Variants in PTPRN2 observed in about 807,000 individuals in gnomAD.
PTPRN2 encodes protein tyrosine phosphatase receptor type N2.
In PTPRN2, 74 loss-of-function variants were observed where a neutral mutation model predicts 118.8. That is an observed-to-expected ratio of 0.62 (90% CI 0.52 to 0.76). The LOEUF is 0.76. Ranked by LOEUF, PTPRN2 falls within the 30% of genes least tolerant of loss-of-function variation. The pLI is 0.00. For missense variants in PTPRN2, 1,481 were observed against 1,394.4 expected (o/e 1.06, Z -0.99); for synonymous variants, 641 against 608.0 (o/e 1.05, Z -0.80).
chr7:157,856,785 G>T (rs1408415189), intron 12 of PTPRN2, among the ~76,000 whole-genome samples: 2 of 152,168 alleles, frequency 1.3e-5, no homozygotes, highest in African/African-American at 2.4e-5. Flanking sequence ...TCGTATGTCT[G>T]TCAGTCAAAG....
At chr7:158,153,485 A>G (rs2150541794) in intron 6 of PTPRN2, among the ~76,000 whole-genome samples, 1 of 152,242 alleles carries the variant, frequency 6.6e-6, no homozygotes, top group South Asian at 2.1e-4. Flanking sequence ...AGACACTGCC[A>G]TGGGGTCTGA....
chr7:158,276,288 AGCAC>A, intron 3 of PTPRN2, among the ~76,000 whole-genome samples: 1 of 69,506 alleles, frequency 1.4e-5, no homozygotes, highest in Non-Finnish European at 3.5e-5. Flanking sequence ...GCTGTAAGGC[AGCAC>A]CCCCACACCC....
intron 11 of PTPRN2, among the ~76,000 whole-genome samples, chr7:158,061,989 T>G (rs1336721613): frequency 6.6e-6 from 1 of 152,250 alleles, no homozygotes; most frequent in Non-Finnish European, 1.5e-5. Context: ...AAGGCGGAGC[T>G]GGGCATGAGC....
Position 157,780,443 on chromosome 7 carries a change from G to A in PTPRN2, c.1789-97506C>T, listed in dbSNP as rs1215762690. 2.0e-5 allele frequency among the ~76,000 whole-genome samples: 3 copies of A among 152,236 alleles called. No homozygotes were observed. Among genetic ancestry groups the A allele is most frequent in the Non-Finnish European group, 4.4e-5 (3 of 68,036 alleles). ...AGGAGGCTTGGCTGGCGGAGGGGCC[G>A]TGCTGCTGGATCAGATGGCGGAACA... On this transcript the variant is annotated intron_variant, in intron 12 of 22. Transcript: ENST00000389418. This position sits in a 1 kb window ranked among gnomAD's most constrained non-coding sequence, Gnocchi z 4.5.
Position 157,595,186 on chromosome 7 carries a change from G to C in PTPRN2, c.2496+52C>G, listed in dbSNP as rs371828068. On this transcript the variant is annotated intron_variant, in intron 17 of 22. Coordinates refer to ENST00000389418, the MANE Select transcript of PTPRN2 (RefSeq NM_002847.5). ...GATTCAAGACATGATTCGTGACCCA[G>C]TTATTGAGATCTTCTTTTCAGAAAG... 1.3e-4 allele frequency: 197 copies of C among 1,543,230 alleles called. No homozygotes were observed. In the African/African-American group the frequency reaches 2.4e-3, roughly 19 times the overall value.
intron 12 of PTPRN2, among the ~76,000 whole-genome samples, chr7:157,789,256 T>C (rs922124147): frequency 6.6e-6 from 1 of 152,186 alleles, no homozygotes; most frequent in Non-Finnish European, 1.5e-5. Flanking sequence ...GGCTGGGCCT[T>C]GTACTCTCCG....
At chr7:157,850,356 C>A (rs1809181840) in intron 12 of PTPRN2, among the ~76,000 whole-genome samples, 1 of 149,738 alleles carries the variant, frequency 6.7e-6, no homozygotes, top group East Asian at 2.0e-4. Flanking sequence ...GTAAGGGATC[C>A]CAGGTCTCCG....
At chr7:158,053,788 C>A (rs777992773) in intron 11 of PTPRN2, among the ~76,000 whole-genome samples, 16 of 150,136 alleles carry the variant, frequency 1.1e-4, no homozygotes, top group Non-Finnish European at 1.9e-4. Flanking sequence ...TGCAGAGACT[C>A]CAGAGACGCA....
rs550172918 is a variant in PTPRN2, at chr7:157,826,170, G to A, written c.1788+72503C>T. Reference sequence around the variant, plus strand: ...GATGACCACAATCATCACAACGAGCGCCATTTCCACGCGTGCTGTGCAAAG... The same window carrying A: ...GATGACCACAATCATCACAACGAGCACCATTTCCACGCGTGCTGTGCAAAG... On this transcript the variant is annotated intron_variant, in intron 12 of 22. Transcript: ENST00000389418. Among the ~76,000 whole-genome samples the A allele has an allele frequency of 2.5e-3, 370 of 149,702 alleles. 5 individuals carry two copies. The highest frequency in any genetic ancestry group is 5.2e-4 in the Non-Finnish European group (35 of 67,506).
chr7:157,600,652 G>A (rs1017665942), intron 16 of PTPRN2, among the ~76,000 whole-genome samples: 3 of 152,172 alleles, frequency 2.0e-5, no homozygotes, highest in East Asian at 1.9e-4. Context: ...CAAGTGATTC[G>A]CCTGCCTTGG....
intron 12 of PTPRN2, chr7:157,740,579 T>C (rs1449249459): frequency 1.3e-5 from 2 of 152,156 alleles, no homozygotes; most frequent in Non-Finnish European, 2.9e-5. Context: ...TGGGGGTGGG[T>C]AGTGCCCAGG....
At chr7:157,772,503 C>T (rs1180191831) in intron 12 of PTPRN2, among the ~76,000 whole-genome samples, 1 of 152,206 alleles carries the variant, frequency 6.6e-6, no homozygotes, top group Non-Finnish European at 1.5e-5. Context: ...TGCCCAGAGA[C>T]CTGGGGCAGG....
chr7:157,571,475 G>A lies in PTPRN2; in HGVS notation c.2802C>T (p.Tyr934=), dbSNP rs1354123384. 6.2e-7 allele frequency: 1 copy of A among 1,609,550 alleles called. No homozygotes were observed. Residue 934 remains tyrosine, a synonymous_variant, in exon 20 of 23, where the codon TAC becomes TAT. Transcript: ENST00000389418. ...LDFRRKVNKC[Y]RGRSCPIIVH... ...CAATTATTGGACAAGAACGGCCCCT[G>A]TAGCACTTGTTTACTTTTCTGAAAT...
intron 12 of PTPRN2, among the ~76,000 whole-genome samples, chr7:157,746,707 C>T (rs191183981): frequency 3.3e-5 from 5 of 152,404 alleles, no homozygotes; most frequent in Non-Finnish European, 7.3e-5. Context: ...GCCCTGCACC[C>T]ACAGTCCTCA....
Position 157,764,384 on chromosome 7 carries a change from A to G in PTPRN2, c.1789-81447T>C, listed in dbSNP as rs1227021003. On this transcript the variant is annotated intron_variant, in intron 12 of 22. Transcript: ENST00000389418. The surrounding 1 kb of genome is among the most constrained non-coding windows in gnomAD (Gnocchi z 4.5). ...TCATGTGGTCCACCCACACATGGGA[A>G]TATTACTCAGCACTGAAAAGGCAGA... 6.6e-6 allele frequency among the ~76,000 whole-genome samples: 1 copy of G among 152,242 alleles called. No individual in the cohort carries two copies. Among genetic ancestry groups the G allele is most frequent in the African/African-American group, 2.4e-5 (1 of 41,462 alleles).
chr7:158,324,920 G>A (rs1019645419), intron 2 of PTPRN2, among the ~76,000 whole-genome samples: 10 of 152,134 alleles, frequency 6.6e-5, no homozygotes, highest in Admixed American at 3.3e-4. Flanking sequence ...CGAGTGACAC[G>A]TCCAGGCCTG....
rs773708901 is a variant in PTPRN2 at position 158,167,199 on chromosome 7, C to A, written c.642G>T (p.Glu214Asp). 6.2e-7 allele frequency: 1 copy of A among 1,613,608 alleles called. No individual in the cohort carries two copies. The change falls in exon 6 of 23, where the codon GAG (glutamate) becomes GAT (aspartate). Residue 214 changes from glutamate (E) to aspartate (D), a missense_variant. This residue lies in a region of PTPRN2 where 1,115 missense variants were observed against 994.2 expected (regional missense o/e 1.12). Coordinates refer to ENST00000389418, the MANE Select transcript of PTPRN2 (RefSeq NM_002847.5). ...YPPGSRTQLREDLLPRTLGQL... is the reference protein window; with the variant it reads ...YPPGSRTQLRDDLLPRTLGQL... The stretch of plus-strand genomic sequence containing the variant: ...GGCCGAGGGTCCGCGGCAGGAGGTC[C>A]TCGCGGAGCTGGGTCCGGGACCCGG...
chr7:157,892,836 T>C (rs1464458392), intron 12 of PTPRN2, among the ~76,000 whole-genome samples: 1 of 152,146 alleles, frequency 6.6e-6, no homozygotes, highest in East Asian at 1.9e-4. Context: ...GACAAACCCT[T>C]CCATCACAGA....
chr7:158,411,301 G>C (rs993873263), intron 2 of PTPRN2, among the ~76,000 whole-genome samples: 1 of 152,130 alleles, frequency 6.6e-6, no homozygotes, highest in South Asian at 2.1e-4. Flanking sequence ...ACAGCTTTCC[G>C]GCCACCTTGA....
Sources: gnomAD v4.1 joint callset for allele counts (sites outside exome capture counted in the v4.1 genomes callset) on GRCh38, gnomAD v4.1.1 for gene constraint, gnomAD v4.1.1 regional missense constraint, Gnocchi (gnomAD v3.1) non-coding constraint, MANE v1.5 for transcripts, NCBI Gene and HGNC (gene_info 2026-07-23, HGNC 2026-07-21) for gene names.